Variants in SLC44A1 observed in about 807,000 individuals in gnomAD.
The protein encoded by SLC44A1 is choline transporter-like protein 1.
In SLC44A1, 26 loss-of-function variants were observed where a neutral mutation model predicts 79.3. The observed-to-expected ratio is 0.33, with a 90% CI of 0.24 to 0.46. The LOEUF is 0.46. Ranked by LOEUF, SLC44A1 falls within the 20% of genes least tolerant of loss-of-function variation. The pLI is 1.00. For synonymous variants in SLC44A1, 263 were observed against 286.2 expected, an observed-to-expected ratio of 0.92 and a Z score of 0.82; for missense variants, 688 against 798.1, an observed-to-expected ratio of 0.86 and a Z score of 1.66.
intron 2 of SLC44A1, among the ~76,000 whole-genome samples, chr9:105,301,504 A>C (rs552561593): frequency 5.3e-5 from 8 of 152,232 alleles, no homozygotes; most frequent in Admixed American, 1.3e-4. Flanking sequence ...TCCTTGGCAC[A>C]ACAGAGATTC....
chr9:105,371,815 G>A lies in SLC44A1; in HGVS notation c.1495-2783G>A, dbSNP rs565075410. On this transcript the variant is annotated intron_variant, in intron 12 of 15. Coordinates refer to ENST00000374720, the MANE Select transcript of SLC44A1 (RefSeq NM_080546.5). ...TGCTATAGAATAAATTGTTAACTGG[G>A]TGTTTTGTGAGTACTTAGGGAACTG... 4.2e-4 allele frequency among the ~76,000 whole-genome samples: 62 copies of A among 146,396 alleles called. 1 individual carries two copies. Among genetic ancestry groups the A allele is most frequent in the Admixed American group, 4.0e-3 (60 of 15,170 alleles).
chr9:105,415,155 A>G (rs1400272427), intron 15 of SLC44A1, among the ~76,000 whole-genome samples: 1 of 152,224 alleles, frequency 6.6e-6, no homozygotes, highest in African/African-American at 2.4e-5. Flanking sequence ...GAGTGAATCA[A>G]CAAATGAATC....
At chr9:105,264,009 A>G (rs944460515) in intron 1 of SLC44A1, among the ~76,000 whole-genome samples, 2 of 151,948 alleles carry the variant, frequency 1.3e-5, no homozygotes, top group Admixed American at 6.6e-5. Flanking sequence ...TCGCTTTTCA[A>G]TTTTTGACAT....
chr9:105,349,380 T>C (rs1827336602), intron 5 of SLC44A1, among the ~76,000 whole-genome samples: 1 of 152,234 alleles, frequency 6.6e-6, no homozygotes, highest in African/African-American at 2.4e-5. Context: ...GGATTACTTA[T>C]GGGTGTAACT....
chr9:105,335,827 C>A, intron 4 of SLC44A1, 128 bp downstream of exon 4: 2 of 924,272 alleles, frequency 2.2e-6, no homozygotes, highest in Non-Finnish European at 3.1e-6. Context: ...GACTTCCTTG[C>A]TAAAAAATAT....
intron 12 of SLC44A1, among the ~76,000 whole-genome samples, chr9:105,370,128 CA>C (rs1209633823): frequency 6.6e-6 from 1 of 152,174 alleles, no homozygotes; most frequent in Non-Finnish European, 1.5e-5. Context: ...AAATCTCAAC[CA>C]AGAAGTCTGA....
intron 13 of SLC44A1, among the ~76,000 whole-genome samples, chr9:105,379,609 T>A (rs1828400383): frequency 6.6e-6 from 1 of 152,218 alleles, no homozygotes; most frequent in Non-Finnish European, 1.5e-5. Context: ...AAGACATCAT[T>A]ATGGGTTCCA....
intron 3 of SLC44A1, among the ~76,000 whole-genome samples, chr9:105,314,659 T>A (rs1047321260): frequency 2.0e-5 from 3 of 152,214 alleles, no homozygotes; most frequent in African/African-American, 7.2e-5. Context: ...CTCTCCAATG[T>A]CAGATAATCT....
chr9:105,427,567 C>T (rs151008489), intron 15 of SLC44A1, among the ~76,000 whole-genome samples: 2 of 152,230 alleles, frequency 1.3e-5, no homozygotes, highest in Admixed American at 1.3e-4. Context: ...AGCCACTGCA[C>T]CCGGCCTCAG....
chr9:105,325,511 A>T (rs1826545793), intron 3 of SLC44A1, among the ~76,000 whole-genome samples: 1 of 152,112 alleles, frequency 6.6e-6, no homozygotes, highest in Admixed American at 6.5e-5. Flanking sequence ...GCTGGTGGGG[A>T]CTCTGTGCAG....
At chr9:105,363,656 G>C (rs80234385) in intron 9 of SLC44A1, among the ~76,000 whole-genome samples, 1 of 151,804 alleles carries the variant, frequency 6.6e-6, no homozygotes. Flanking sequence ...GTAGAGACAG[G>C]GTTTCTCCAT....
chr9:105,405,191 G>T (rs1409675729), intron 15 of SLC44A1, among the ~76,000 whole-genome samples: 1 of 151,964 alleles, frequency 6.6e-6, no homozygotes, highest in African/African-American at 2.4e-5. Flanking sequence ...TGTGATGGCG[G>T]GCACCTGCAA....
intron 14 of SLC44A1, among the ~76,000 whole-genome samples, chr9:105,384,727 A>G (rs1459263514): frequency 6.6e-6 from 1 of 152,200 alleles, no homozygotes. Flanking sequence ...GTAAAAAATA[A>G]CTGTTTTCCA....
intron 15 of SLC44A1, among the ~76,000 whole-genome samples, chr9:105,431,649 A>G (rs1311079581): frequency 1.3e-5 from 2 of 152,228 alleles, no homozygotes; most frequent in African/African-American, 4.8e-5. Flanking sequence ...CAGCTCCAAG[A>G]GTCTCCATAG....
chr9:105,354,111 C>T lies in SLC44A1; in HGVS notation c.501-2101C>T, dbSNP rs1487534555. 6.5e-5 allele frequency among the ~76,000 whole-genome samples: 8 copies of T among 122,712 alleles called. No individual in the cohort carries two copies. In the East Asian group the frequency reaches 1.6e-3, roughly 24 times the overall value. 80.5% of individuals were successfully genotyped at this position (122,712 alleles called of 152,430 possible). A position where few individuals can be genotyped will look rare whatever the true frequency, so the allele number is the denominator to read the frequency against. On this transcript the variant is annotated intron_variant, in intron 5 of 15. Transcript: ENST00000374720. ...TGTCGCCCAGGCTGGAGTGCAGTGG[C>T]GCGATCTCGGCTCACTGCAAGCTCC...
exon 16 of SLC44A1, chr9:105,438,315 A>C (rs549631745): frequency 6.5e-7 from 1 of 1,549,048 alleles, no homozygotes; most frequent in South Asian, 1.2e-5. Flanking sequence ...TGAGCCCTGA[A>C]GAATGAACTC....
At position 105,395,033 on chromosome 9, in the gene SLC44A1, A is replaced by C. The variant is rs1828847116; in HGVS notation, c.*5977A>C. ...CCCTTGAAAAAGCAGGCAGAAACTC[A>C]TCAAGGGGTTTGAAGTTCTTGTGAA... is the stretch of plus-strand genomic sequence containing the variant. On this transcript the variant is annotated 3_prime_UTR_variant, in exon 16 of 16. Transcript: ENST00000374720. 1.0e-6 allele frequency: 1 copy of C among 985,490 alleles called. No homozygotes were observed. The highest frequency in any genetic ancestry group is 1.1e-4 in the East Asian group (1 of 8,820). 61.0% of individuals were successfully genotyped at this position (985,490 alleles called of 1,614,324 possible).
downstream of SLC44A1, among the ~76,000 whole-genome samples, chr9:105,399,962 G>A (rs984386755): frequency 4.6e-5 from 7 of 152,122 alleles, no homozygotes; most frequent in East Asian, 1.9e-4. Context: ...TTGGGTGGCC[G>A]ACATGGGTGG....
intron 1 of SLC44A1, among the ~76,000 whole-genome samples, chr9:105,285,859 T>C (rs1830462097): frequency 6.6e-6 from 1 of 152,178 alleles, no homozygotes; most frequent in African/African-American, 2.4e-5. Flanking sequence ...TACGTGCAGG[T>C]CACAGGGGAT....
Sources: gnomAD v4.1 joint callset for allele counts (sites outside exome capture counted in the v4.1 genomes callset) on GRCh38, gnomAD v4.1.1 for gene constraint, MANE v1.5 for transcripts, NCBI Gene and HGNC (gene_info 2026-07-23, HGNC 2026-07-21) for gene names.